The following FARS2 variants were observed in gnomAD, a reference collection of about 807,000 sequenced individuals.
FARS2 encodes the protein phenylalanine--tRNA ligase, mitochondrial.
In FARS2, 40 loss-of-function variants were observed where a neutral mutation model predicts 46.4. The observed-to-expected ratio is 0.86, with a 90% CI of 0.67 to 1.12. The LOEUF (loss-of-function observed/expected upper bound fraction) is 1.12. Ranked by LOEUF, FARS2 falls within the 50% of genes most tolerant of loss-of-function variation. The pLI is 0.00. For missense variants in FARS2, 513 were observed against 567.9 expected, an observed-to-expected ratio of 0.90 and a Z score of 0.98; for synonymous variants, 234 against 214.9, an observed-to-expected ratio of 1.09 and a Z score of -0.78.
At chr6:5,609,863 T>C (rs1365066057) in intron 5 of FARS2, 1 of 1,007,906 alleles carries the variant, frequency 9.9e-7, no homozygotes, top group Non-Finnish European at 1.6e-6. Context: ...TCAGTGTCTT[T>C]AATGCCACCA....
At chr6:5,429,669 G>A (rs1021280875) in intron 3 of FARS2, among the ~76,000 whole-genome samples, 5 of 152,200 alleles carry the variant, frequency 3.3e-5, no homozygotes, top group African/African-American at 1.2e-4. Flanking sequence ...AAATTAGCCA[G>A]GCATGATGAC....
chr6:5,514,550 T>A (rs1768668073), intron 4 of FARS2, among the ~76,000 whole-genome samples: 1 of 152,236 alleles, frequency 6.6e-6, no homozygotes, highest in African/African-American at 2.4e-5. Flanking sequence ...TTGGCTGAAC[T>A]ATTTTTGTTG....
At chr6:5,771,178 C>T in intron 6 of FARS2, 113 bp from the exon 7 acceptor site, 1 of 1,182,046 alleles carries the variant, frequency 8.5e-7, no homozygotes, top group Non-Finnish European at 1.2e-6. Flanking sequence ...ACCTGGATTC[C>T]AACCTCAGTT....
chr6:5,270,506 G>C (rs1353176792), intron 1 of FARS2, among the ~76,000 whole-genome samples: 3 of 152,192 alleles, frequency 2.0e-5, no homozygotes, highest in African/African-American at 7.2e-5. Context: ...TGTTAACTTT[G>C]TAGAAGAGAT....
intron 1 of FARS2, among the ~76,000 whole-genome samples, chr6:5,269,100 A>C (rs1271203573): frequency 1.3e-5 from 2 of 152,236 alleles, no homozygotes; most frequent in African/African-American, 4.8e-5. Context: ...AATGTCCATC[A>C]ATGATAGACT....
At chr6:5,531,560 C>T (rs1769841690) in intron 4 of FARS2, among the ~76,000 whole-genome samples, 1 of 152,150 alleles carries the variant, frequency 6.6e-6, no homozygotes, top group African/African-American at 2.4e-5. Flanking sequence ...TTGTAAGACC[C>T]AGAGACTCTC....
intron 5 of FARS2, among the ~76,000 whole-genome samples, chr6:5,581,726 T>G (rs895653183): frequency 1.3e-5 from 2 of 152,182 alleles, no homozygotes; most frequent in African/African-American, 4.8e-5. Context: ...TGTGCTTTTC[T>G]AAATGGTCAC....
chr6:5,418,018 C>G (rs1195911744), intron 3 of FARS2, among the ~76,000 whole-genome samples: 1 of 152,030 alleles, frequency 6.6e-6, no homozygotes, highest in African/African-American at 2.4e-5. Flanking sequence ...TAACTCCTTC[C>G]TGTGTATTTT....
rs754572509 is a variant in FARS2, at chr6:5,771,443, C to T, written c.*14C>T. 1 of 1,608,622 alleles carries T rather than the reference C, an allele frequency of 6.2e-7. No homozygotes were observed. The highest frequency in any genetic ancestry group is 1.1e-5 in the South Asian group (1 of 89,946). On this transcript the variant is annotated 3_prime_UTR_variant, in exon 7 of 7. Transcript: ENST00000274680. ...GGCAGGTTCTGATGTCACCACTTCA[C>T]TCAGGCTGCAGCCCTCTTGGGGCTC...
At chr6:5,667,867 A>G (rs1161391379) in intron 6 of FARS2, among the ~76,000 whole-genome samples, 1 of 152,208 alleles carries the variant, frequency 6.6e-6, no homozygotes, top group Admixed American at 6.5e-5. Context: ...GACAGGTGCT[A>G]TTTCCTCAAA....
chr6:5,413,392 C>T (rs374355190), intron 3 of FARS2, among the ~76,000 whole-genome samples: 1 of 152,156 alleles, frequency 6.6e-6, no homozygotes, highest in South Asian at 2.1e-4. Flanking sequence ...TGAAAACCAT[C>T]AGTGTGCCTG....
chr6:5,350,320 T>G (rs1369638386), intron 1 of FARS2, among the ~76,000 whole-genome samples: 1 of 152,100 alleles, frequency 6.6e-6, no homozygotes, highest in Non-Finnish European at 1.5e-5. Flanking sequence ...AGCAAGATTT[T>G]TTTATACACA....
chr6:5,371,544 T>C (rs1442379660), intron 2 of FARS2, among the ~76,000 whole-genome samples: 1 of 152,134 alleles, frequency 6.6e-6, no homozygotes, highest in Non-Finnish European at 1.5e-5. Context: ...AAAAAATCTT[T>C]TGTATTTTGA....
chr6:5,729,424 G>A (rs570347688), intron 6 of FARS2, among the ~76,000 whole-genome samples: 42 of 152,326 alleles, frequency 2.8e-4, no homozygotes, highest in African/African-American at 9.9e-4. Flanking sequence ...AGCAGGGGCT[G>A]AGGACACTGG....
At chr6:5,680,622 C>T (rs1011852543) in intron 6 of FARS2, among the ~76,000 whole-genome samples, 2 of 152,330 alleles carry the variant, frequency 1.3e-5, no homozygotes, top group Admixed American at 6.5e-5. Context: ...GAAAATTCAG[C>T]AAGTACCCAC....
intron 4 of FARS2, among the ~76,000 whole-genome samples, chr6:5,534,794 TAGAG>T (rs1770082696): frequency 6.6e-6 from 1 of 151,722 alleles, no homozygotes; most frequent in African/African-American, 2.4e-5. Flanking sequence ...TATACATATA[TAGAG>T]ACACACATAT....
chr6:5,489,572 T>G (rs1024267128), intron 4 of FARS2, among the ~76,000 whole-genome samples: 2 of 152,208 alleles, frequency 1.3e-5, no homozygotes, highest in Non-Finnish European at 2.9e-5. Flanking sequence ...CTCCAGTCAG[T>G]TGACAAATTC....
At chr6:5,619,552 T>C (rs1775656203) in intron 6 of FARS2, among the ~76,000 whole-genome samples, 1 of 152,226 alleles carries the variant, frequency 6.6e-6, no homozygotes. Context: ...CTCTCAGTTC[T>C]CTTCATCCCT....
intron 6 of FARS2, among the ~76,000 whole-genome samples, chr6:5,769,388 T>C (rs1051380661): frequency 2.0e-5 from 3 of 152,246 alleles, no homozygotes; most frequent in Non-Finnish European, 4.4e-5. Context: ...GCCTCTGTTT[T>C]CCTCTCAAAG....
Sources: allele counts gnomAD v4.1 joint callset (sites outside exome capture counted in the v4.1 genomes callset), GRCh38; gene constraint gnomAD v4.1.1; transcripts MANE v1.5; gene names NCBI Gene and HGNC (gene_info 2026-07-23, HGNC 2026-07-21).